COL6A5: variants seen among roughly 807,000 people sequenced by gnomAD.
COL6A5 encodes the protein collagen type VI alpha 5 chain.
COL6A5 carries 48 observed loss-of-function variants against 65.6 expected under a neutral mutation model. The observed-to-expected ratio is 0.73, with a 90% CI of 0.58 to 0.93. The LOEUF is 0.93. Among genes scored for constraint, COL6A5 ranks in the 40% least tolerant of loss-of-function variants. The pLI is 0.00. For synonymous variants in COL6A5, 291 were observed against 322.8 expected, an observed-to-expected ratio of 0.90 and a Z score of 1.05; for missense variants, 914 against 928.3, an observed-to-expected ratio of 0.98 and a Z score of 0.20.
intron 1 of COL6A5, among the ~76,000 whole-genome samples, chr3:130,436,796 C>G (rs1709045271): frequency 6.6e-6 from 1 of 152,122 alleles, no homozygotes; most frequent in African/African-American, 2.4e-5. Flanking sequence ...ACCTTGGCCT[C>G]AGAATGTCGG....
intron 6 of COL6A5, 64 bp downstream of exon 6, chr3:130,389,198 A>C: frequency 8.8e-7 from 1 of 1,132,218 alleles, no homozygotes; most frequent in Non-Finnish European, 1.2e-6. Flanking sequence ...AATGAGAAAC[A>C]GTGAATGGCA....
intron 4 of COL6A5, 122 bp from the exon 5 acceptor site, chr3:130,384,682 G>A: frequency 1.4e-6 from 1 of 730,446 alleles, no homozygotes; most frequent in African/African-American, 1.8e-5. Flanking sequence ...AAGTGTGCAG[G>A]CTCTACGCAA....
chr3:130,417,583 G>C (rs1376515987), intron 24 of COL6A5, among the ~76,000 whole-genome samples: 4 of 152,078 alleles, frequency 2.6e-5, no homozygotes, highest in African/African-American at 4.8e-5. Context: ...AGGATGGGTG[G>C]CATCAGAACT....
intron 7 of COL6A5, among the ~76,000 whole-genome samples, chr3:130,483,706 A>G (rs1710308331): frequency 1.3e-5 from 2 of 152,150 alleles, no homozygotes. Flanking sequence ...GATTAGGGGG[A>G]TTCTGGGCAA....
chr3:130,397,489 G>C, intron 8 of COL6A5, 94 bp from the exon 9 acceptor site: 1 of 925,066 alleles, frequency 1.1e-6, no homozygotes, highest in Non-Finnish European at 1.6e-6. Flanking sequence ...AGACCCTCTA[G>C]CTCTGGGGCA....
At chr3:130,375,731 C>T (rs1935741997) in intron 2 of COL6A5, among the ~76,000 whole-genome samples, 1 of 152,080 alleles carries the variant, frequency 6.6e-6, no homozygotes, top group Non-Finnish European at 1.5e-5. Flanking sequence ...TGGAAGCAAA[C>T]ATGTCCTTCT....
At chr3:130,443,256 G>A (rs1240251236) in intron 3 of COL6A5, among the ~76,000 whole-genome samples, 1 of 152,126 alleles carries the variant, frequency 6.6e-6, no homozygotes, top group African/African-American at 2.4e-5. Context: ...GAGGAGGTCT[G>A]TTTCCATGAC....
Position 130,379,934 on chromosome 3 carries a change from C to A in COL6A5, c.1184C>A (p.Thr395Lys), listed in dbSNP as rs867162556. 5 of 1,551,310 alleles carry A rather than the reference C, an allele frequency of 3.2e-6. No individual in the cohort carries two copies. In the South Asian group the frequency reaches 5.9e-5, roughly 18 times the overall value. The stretch of plus-strand genomic sequence containing the variant: ...TATCCTCCAGAACAGACAATTTCCA[C>A]GCTGAAGTCCTATGCAGACTTAGAA... Residue 395 changes from threonine to lysine, a missense_variant and NMD_transcript_variant, in exon 4 of 42, where the codon ACG (threonine) becomes AAG (lysine). By Grantham distance (78) the Thr-to-Lys change is moderately conservative. Transcript: ENST00000312481.
At position 130,438,405 on chromosome 3, in the gene COL6A5, GTGAA is replaced by G. The variant is rs955738532; in HGVS notation, c.488-1096_488-1093del. Reference sequence around the variant, plus strand: ...ATTTGTTGAATGAATGAGTGAATGAGTGAATGAATGAATGAATGAATGAAGAGCA... The same window carrying G: ...ATTTGTTGAATGAATGAGTGAATGAGTGAATGAATGAATGAATGAAGAGCA... On this transcript the variant is annotated intron_variant, in intron 1 of 7. Coordinates refer to ENST00000512836, the Ensembl canonical transcript of COL6A5. 2.5e-3 allele frequency among the ~76,000 whole-genome samples: 367 copies of G among 147,694 alleles called. 1 individual carries two copies. The highest frequency in any genetic ancestry group is 7.7e-3 in the African/African-American group (312 of 40,662).
At chr3:130,368,710 G>A (rs1935436220) in intron 1 of COL6A5, among the ~76,000 whole-genome samples, 1 of 152,174 alleles carries the variant, frequency 6.6e-6, no homozygotes, top group African/African-American at 2.4e-5. Context: ...AGATTTGAGA[G>A]TGTGGAGGAG....
intron 2 of COL6A5, 49 bp downstream of exon 34, chr3:130,439,664 C>G (rs1475603664): frequency 1.2e-5 from 15 of 1,229,822 alleles, no homozygotes; most frequent in Non-Finnish European, 1.6e-5. Context: ...TAAATGCCTT[C>G]TAGATGAGTT....
At chr3:130,385,080 A>G in exon 5 of COL6A5, 1 of 1,551,010 alleles carries the variant, frequency 6.4e-7, no homozygotes, top group African/African-American at 1.4e-5. Context: ...AAAGCTCTGG[A>G]TTACATACTG....
chr3:130,374,431 G>T (rs939833886), intron 2 of COL6A5, among the ~76,000 whole-genome samples: 1 of 152,082 alleles, frequency 6.6e-6, no homozygotes, highest in African/African-American at 2.4e-5. Context: ...ATGTCATTAG[G>T]TGATAAGAAT....
intron 7 of COL6A5, among the ~76,000 whole-genome samples, chr3:130,483,611 A>G (rs1438082460): frequency 6.6e-6 from 1 of 152,196 alleles, no homozygotes; most frequent in Non-Finnish European, 1.5e-5. Context: ...AAAAGCTCAC[A>G]TGGCAATGGT....
exon 3 of COL6A5, chr3:130,440,183 G>C (rs758742336): frequency 4.3e-6 from 7 of 1,611,208 alleles, no homozygotes; most frequent in Non-Finnish European, 5.9e-6. Flanking sequence ...TTTTCCAAAT[G>C]CTTGCATTCG....
chr3:130,356,440 C>T (rs1411720090), intron 1 of COL6A5, among the ~76,000 whole-genome samples: 2 of 152,020 alleles, frequency 1.3e-5, no homozygotes, highest in African/African-American at 4.8e-5. Flanking sequence ...TGTTTCTTTT[C>T]TAGCATTTAT....
intron 4 of COL6A5, among the ~76,000 whole-genome samples, chr3:130,443,983 T>G (rs1373828869): frequency 6.6e-6 from 1 of 152,168 alleles, no homozygotes; most frequent in Non-Finnish European, 1.5e-5. Context: ...CTAGGCATCT[T>G]TCATGACCCA....
exon 31 of COL6A5, chr3:130,426,371 G>A: frequency 1.1e-5 from 17 of 1,551,310 alleles, no homozygotes; most frequent in Non-Finnish European, 1.4e-5. Flanking sequence ...TTACAGCAAT[G>A]TGATCTGATC....
Position 130,456,005 on chromosome 3 carries a change from G to T in COL6A5, c.1544+339G>T, listed in dbSNP as rs549171241. ...GGAGGGATTAAAATGACTTTTTTTTGGGGGGAGGAATGGAGTTTCATTCTT... is the reference window on the plus strand; with the variant it reads ...GGAGGGATTAAAATGACTTTTTTTTTGGGGGAGGAATGGAGTTTCATTCTT... On this transcript the variant is annotated intron_variant, in intron 5 of 7. Transcript: ENST00000512836. Among the ~76,000 whole-genome samples, 6 of 151,866 alleles carry T rather than the reference G, an allele frequency of 4.0e-5. No homozygotes were observed. In the South Asian group the frequency reaches 8.3e-4, roughly 21 times the overall value.
Sources: allele counts gnomAD v4.1 joint callset (sites outside exome capture counted in the v4.1 genomes callset), GRCh38; gene constraint gnomAD v4.1.1; transcripts MANE v1.5; gene names NCBI Gene and HGNC (gene_info 2026-07-23, HGNC 2026-07-21).